The following INSL6 variants were observed in gnomAD, a reference collection of about 807,000 sequenced individuals.
INSL6 encodes the protein insulin-like peptide INSL6.
In INSL6, 16 loss-of-function variants were observed where a neutral mutation model predicts 9.4. That is an observed-to-expected ratio of 1.70 (90% CI 1.15 to 2.59). The LOEUF (loss-of-function observed/expected upper bound fraction) is 2.59, where lower values mean the gene tolerates loss of function less well. Ranked by LOEUF, INSL6 falls within the 30% of genes most tolerant of loss-of-function variation. The probability of loss-of-function intolerance (pLI) is 0.00; values close to 1 mark genes in which losing one functional copy is unlikely to be tolerated. For synonymous variants in INSL6, 154 were observed against 96.9 expected (o/e 1.59, Z -3.46); for missense variants, 391 against 257.3 (o/e 1.52, Z -3.56).
chr9:4,994,744 C>T, the INSL6 span, among the ~76,000 whole-genome samples: 3 of 152,106 alleles, frequency 2.0e-5, no homozygotes, highest in South Asian at 6.2e-4. Context: ...TCTGCCAATT[C>T]CCAATTTAAA....
chr9:5,114,107 C>A, the INSL6 span: 1 of 356,612 alleles, frequency 2.8e-6, no homozygotes. Flanking sequence ...CCGACCACAC[C>A]TACACCTGCC....
the INSL6 span, chr9:5,109,734 C>G: frequency 6.6e-6 from 1 of 152,170 alleles, no homozygotes; most frequent in African/African-American, 2.4e-5. Context: ...TAGACTACTT[C>G]TCCATAATAT....
At chr9:5,114,719 G>A in the INSL6 span, 2 of 380,392 alleles carry the variant, frequency 5.3e-6, no homozygotes, top group Non-Finnish European at 1.0e-5. Context: ...AATGGGAACA[G>A]AAAAACGAGT....
chr9:5,081,646 G>A, the INSL6 span: 2 of 976,036 alleles, frequency 2.0e-6, no homozygotes, highest in African/African-American at 3.3e-5. Flanking sequence ...GATTATTTTG[G>A]TCAACTTGAA....
the INSL6 span, among the ~76,000 whole-genome samples, chr9:5,021,550 C>T: frequency 6.6e-6 from 1 of 152,204 alleles, no homozygotes; most frequent in African/African-American, 2.4e-5. Flanking sequence ...ATTTGACAGC[C>T]ATTGCTGTCA....
intron 2 of INSL6, among the ~76,000 whole-genome samples, chr9:5,154,370 G>T (rs58141979): frequency 0.35 from 53,109 of 151,366 alleles, 9,900 homozygotes; most frequent in African/African-American, 0.5. Context: ...CATAAAAACT[G>T]TAGAAGAAAA....
chr9:5,080,684 G>T, the INSL6 span: 3 of 1,556,162 alleles, frequency 1.9e-6, no homozygotes, highest in African/African-American at 1.4e-5. Flanking sequence ...TTTACTCCAG[G>T]TATGTATTTG....
At chr9:5,093,272 AC>A in the INSL6 span, among the ~76,000 whole-genome samples, 10 of 152,108 alleles carry the variant, frequency 6.6e-5, no homozygotes, top group Admixed American at 1.3e-4. Flanking sequence ...GGCAAATCTT[AC>A]CCCACCTGTT....
chr9:5,068,921 T>C, the INSL6 span: 13 of 683,024 alleles, frequency 1.9e-5, no homozygotes, highest in African/African-American at 3.7e-5. Flanking sequence ...GGTTCAAATG[T>C]TTATTCTGTT....
chr9:5,065,312 AAAAG>A, the INSL6 span, among the ~76,000 whole-genome samples: 1 of 152,210 alleles, frequency 6.6e-6, no homozygotes, highest in Admixed American at 6.5e-5. Context: ...ATGTTACTAA[AAAAG>A]AAAGATCTCC....
chr9:5,071,400 C>CAT, the INSL6 span, among the ~76,000 whole-genome samples: 1 of 151,950 alleles, frequency 6.6e-6, no homozygotes, highest in Non-Finnish European at 1.5e-5. Flanking sequence ...CTATAAAATA[C>CAT]ATATACATGT....
chr9:5,113,434 A>AC, the INSL6 span: 1 of 87,258 alleles, frequency 1.1e-5, no homozygotes, highest in African/African-American at 3.2e-5. Context: ...TAAAAAAAAA[A>AC]AAAAAAAAAA....
chr9:5,182,738 C>T (rs1825484847), intron 1 of INSL6, among the ~76,000 whole-genome samples: 1 of 151,950 alleles, frequency 6.6e-6, no homozygotes, highest in East Asian at 1.9e-4. Flanking sequence ...TTATGAAAAG[C>T]TGATTTTGAA....
chr9:5,061,845 AT>A, the INSL6 span, among the ~76,000 whole-genome samples: 1 of 152,048 alleles, frequency 6.6e-6, no homozygotes, highest in East Asian at 1.9e-4. Context: ...CTAGCTTTTG[AT>A]TTAAAGTGAG....
chr9:5,005,081 T>A, the INSL6 span, among the ~76,000 whole-genome samples: 159 of 127,580 alleles, frequency 1.2e-3, 2 homozygotes, highest in African/African-American at 4.4e-3. Context: ...CATGCCTGGC[T>A]AATTTTTTTT....
the INSL6 span, chr9:5,078,338 T>G: frequency 1.2e-6 from 2 of 1,612,468 alleles, no homozygotes; most frequent in Non-Finnish European, 1.7e-6. Flanking sequence ...GGAATGTATG[T>G]GCCAAAAATA....
chr9:5,020,285 T>A, the INSL6 span, among the ~76,000 whole-genome samples: 5 of 152,042 alleles, frequency 3.3e-5, no homozygotes, highest in Non-Finnish European at 7.4e-5. Flanking sequence ...GACCCCCAGG[T>A]GGAATGCTCA....
chr9:5,049,857 T>A, the INSL6 span, among the ~76,000 whole-genome samples: 4 of 152,352 alleles, frequency 2.6e-5, no homozygotes, highest in Non-Finnish European at 5.9e-5. Flanking sequence ...TATAGCATGT[T>A]GCTGTACTGA....
the INSL6 span, among the ~76,000 whole-genome samples, chr9:5,084,509 G>A: frequency 6.6e-6 from 1 of 152,096 alleles, no homozygotes; most frequent in African/African-American, 2.4e-5. Context: ...ATTTTCATAT[G>A]TTTTAAGCCA....
Sources: gnomAD v4.1 joint callset for allele counts (sites outside exome capture counted in the v4.1 genomes callset) on GRCh38, gnomAD v4.1.1 for gene constraint, MANE v1.5 for transcripts, NCBI Gene and HGNC (gene_info 2026-07-23, HGNC 2026-07-21) for gene names.